The following LRRC4B variants were observed in gnomAD, a reference collection of about 807,000 sequenced individuals.
The protein encoded by LRRC4B is leucine rich repeat containing 4B, also known as leucine-rich repeat-containing protein 4B.
Under a neutral mutation model 7.3 loss-of-function variants are expected in LRRC4B, and 1 was observed. The ratio of observed to expected loss-of-function variants is 0.14; its 90% CI spans 0.05 to 0.65. The LOEUF is 0.65. Ranked by LOEUF, LRRC4B falls within the 30% of genes least tolerant of loss-of-function variation. The pLI, the probability that LRRC4B is intolerant of heterozygous loss-of-function variation, is 0.84. For missense variants in LRRC4B, 730 were observed against 1,041.6 expected, an observed-to-expected ratio of 0.70 and a Z score of 4.12; for synonymous variants, 500 against 499.2, an observed-to-expected ratio of 1.00 and a Z score of -0.02.
chr19:50,558,461 C>T (rs545381928), intron 1 of LRRC4B, among the ~76,000 whole-genome samples: 12 of 152,300 alleles, frequency 7.9e-5, no homozygotes, highest in Admixed American at 5.2e-4. Context: ...AACTCTCGGC[C>T]TCAAACAATC....
At chr19:50,541,698 C>G (rs151306648) in intron 2 of LRRC4B, among the ~76,000 whole-genome samples, 1 of 152,182 alleles carries the variant, frequency 6.6e-6, no homozygotes, top group East Asian at 1.9e-4. Flanking sequence ...CAGAGCCGCC[C>G]GCTAAAAGCC....
intron 2 of LRRC4B, among the ~76,000 whole-genome samples, chr19:50,528,556 G>T (rs968950071): frequency 1.3e-5 from 2 of 152,106 alleles, no homozygotes; most frequent in Non-Finnish European, 2.9e-5. Flanking sequence ...TGCTAGCCAG[G>T]TTGGTCTTGA....
At position 50,519,158 on chromosome 19, in the gene LRRC4B, C is replaced by T. The variant is rs761524693; in HGVS notation, c.555G>A (p.Arg185=). The T allele has an allele frequency of 6.2e-7, 1 of 1,613,540 alleles. No homozygotes were observed. The highest frequency in any genetic ancestry group is 1.1e-5 in the South Asian group (1 of 91,068). ...SYAFNRVPSL[R]RLDLGELKRL... ...GCTTGAGCTCGCCCAGGTCCAGGCGCCGCAGCGAGGGCACGCGGTTGAAGG... is the reference window on the plus strand; with the variant it reads ...GCTTGAGCTCGCCCAGGTCCAGGCGTCGCAGCGAGGGCACGCGGTTGAAGG... Residue 185 remains arginine (R), a synonymous_variant, in exon 3 of 3, where the codon CGG becomes CGA. Coordinates refer to ENST00000652263, the MANE Select transcript of LRRC4B (RefSeq NM_001080457.2). The surrounding 1 kb of genome is among the most constrained non-coding windows in gnomAD (Gnocchi z 8.1).
chr19:50,520,630 GAA>G (rs35776740), intron 2 of LRRC4B, among the ~76,000 whole-genome samples: 5 of 114,582 alleles, frequency 4.4e-5, no homozygotes, highest in Non-Finnish European at 3.7e-5. Context: ...ACTCCGTCTC[GAA>G]AAAAAAAAAA....
chr19:50,537,306 T>C lies in LRRC4B; in HGVS notation c.297+11236A>G, dbSNP rs1027466638. On this transcript the variant is annotated intron_variant, in intron 2 of 2. Coordinates refer to ENST00000652263, the MANE Select transcript of LRRC4B (RefSeq NM_001080457.2). The surrounding 1 kb of genome is among the most constrained non-coding windows in gnomAD (Gnocchi z 5.5). ...TTCCTCATCTGTAACATGAGAAGAA[T>C]AGGACCTACTCAGGGGGCTGTCGTG... 6.6e-6 allele frequency among the ~76,000 whole-genome samples: 1 copy of C among 152,280 alleles called. No individual in the cohort carries two copies. The highest frequency in any genetic ancestry group is 1.9e-4 in the East Asian group (1 of 5,182).
chr19:50,552,629 CAT>C, intron 1 of LRRC4B, among the ~76,000 whole-genome samples: 1 of 82,418 alleles, frequency 1.2e-5, no homozygotes, highest in African/African-American at 6.5e-5. Flanking sequence ...TCCATCCATT[CAT>C]CCATCCGCCC....
chr19:50,544,467 A>G (rs924497890), intron 2 of LRRC4B, among the ~76,000 whole-genome samples: 17 of 151,856 alleles, frequency 1.1e-4, no homozygotes, highest in Admixed American at 3.9e-4. Flanking sequence ...AGATCACGCC[A>G]CTGCACTCCA....
At chr19:50,558,309 C>A (rs1369070747) in intron 1 of LRRC4B, among the ~76,000 whole-genome samples, 1 of 152,162 alleles carries the variant, frequency 6.6e-6, no homozygotes, top group Admixed American at 6.6e-5. Flanking sequence ...CAGCTCACTG[C>A]AGCCTCCACC....
chr19:50,547,240 G>T (rs369860395), intron 2 of LRRC4B, among the ~76,000 whole-genome samples: 1 of 152,156 alleles, frequency 6.6e-6, no homozygotes, highest in Admixed American at 6.5e-5. Flanking sequence ...CTGCGGGAGC[G>T]GGGGGTGGTG....
chr19:50,544,313 T>C (rs544141380), intron 2 of LRRC4B, among the ~76,000 whole-genome samples: 107 of 151,882 alleles, frequency 7.0e-4, no homozygotes, highest in East Asian at 3.3e-3. Flanking sequence ...AAGACCATCC[T>C]GGCTAACACA....
rs147755477 is a variant in LRRC4B at position 50,539,435 on chromosome 19, C to T, written c.297+9107G>A. On this transcript the variant is annotated intron_variant, in intron 2 of 2. Coordinates refer to ENST00000652263, the MANE Select transcript of LRRC4B (RefSeq NM_001080457.2). ...ACAGGAATAAATGGGGTTAGATGAG[C>T]GCTCCCTGACCCCCTGCTCCAGATA... Among the ~76,000 whole-genome samples the T allele has an allele frequency of 7.7e-3, 1,173 of 152,250 alleles. 18 individuals are homozygous for T. The highest frequency in any genetic ancestry group is 0.027 in the African/African-American group (1,108 of 41,542).
At chr19:50,567,679 C>G (rs1982677393) in intron 1 of LRRC4B, among the ~76,000 whole-genome samples, 1 of 146,550 alleles carries the variant, frequency 6.8e-6, no homozygotes, top group Non-Finnish European at 1.5e-5. Context: ...GCCGGACGCA[C>G]CCCCCACAAC....
chr19:50,558,886 G>A (rs1676519411), intron 1 of LRRC4B, among the ~76,000 whole-genome samples: 1 of 152,220 alleles, frequency 6.6e-6, no homozygotes, highest in Admixed American at 6.5e-5. Flanking sequence ...GATCACAGCT[G>A]GAGAAATGGA....
intron 2 of LRRC4B, among the ~76,000 whole-genome samples, chr19:50,533,465 T>C (rs1858117324): frequency 2.1e-5 from 3 of 145,318 alleles, no homozygotes; most frequent in Admixed American, 2.0e-4. Flanking sequence ...TCCCAAATAA[T>C]ACAAATACCA....
In LRRC4B at chr19:50,518,011, G is replaced by A; in HGVS notation, c.1702C>T (p.Leu568=). ...TTGGTGGTCTTCATGACGTCGTCCA[G>A]GTCCTTGAGGGCGTTCTCCGTCACA... ...TDVTENALKD[L]DDVMKTTKII... is the part of the protein sequence containing the mutation. Residue 568 remains leucine, a synonymous_variant, in exon 3 of 3, where the codon CTG becomes TTG. Transcript: ENST00000652263. 1 of 1,545,034 alleles carries A rather than the reference G, an allele frequency of 6.5e-7. No homozygotes were observed. The highest frequency in any genetic ancestry group is 8.7e-7 in the Non-Finnish European group (1 of 1,149,584).
chr19:50,544,003 C>T lies in LRRC4B; in HGVS notation c.297+4539G>A, dbSNP rs1386563645. Among the ~76,000 whole-genome samples the T allele has an allele frequency of 5.4e-5, 8 of 148,732 alleles. No homozygotes were observed. In the South Asian group the frequency reaches 8.6e-4, roughly 16 times the overall value. On this transcript the variant is annotated intron_variant, in intron 2 of 2. Transcript: ENST00000652263. Reference sequence around the variant, plus strand: ...GGCAGATCATCTGAGGTCAGGAGTTCGAGACCAGCCTGCCCAACATGGTGA... The same window carrying T: ...GGCAGATCATCTGAGGTCAGGAGTTTGAGACCAGCCTGCCCAACATGGTGA...
rs1279111497 is a variant in LRRC4B, at chr19:50,537,379, G to A, written c.297+11163C>T. ...TAAAGGGCTTGGAGCAATGCTGGGG[G>A]CCCGACTGACATTCTCCCGCCCACC... is the stretch of plus-strand genomic sequence containing the variant. On this transcript the variant is annotated intron_variant, in intron 2 of 2. Transcript: ENST00000652263. This position sits in a 1 kb window ranked among gnomAD's most constrained non-coding sequence, Gnocchi z 5.5. 6.6e-6 allele frequency among the ~76,000 whole-genome samples: 1 copy of A among 152,180 alleles called. No homozygotes were observed. Among genetic ancestry groups the A allele is most frequent in the African/African-American group, 2.4e-5 (1 of 41,440 alleles).
At chr19:50,547,260 C>T (rs535695875) in intron 2 of LRRC4B, among the ~76,000 whole-genome samples, 71 of 152,238 alleles carry the variant, frequency 4.7e-4, no homozygotes, top group African/African-American at 1.5e-3. Flanking sequence ...GATGTGACGA[C>T]GCCCCTGACG....
Position 50,518,196 on chromosome 19 carries a change from G to A in LRRC4B, c.1517C>T (p.Pro506Leu). Residue 506 changes from proline (P) to leucine (L), a missense_variant, in exon 3 of 3, where the codon CCG (proline) becomes CTG (leucine). Physicochemically the swap from Pro to Leu is moderately conservative, Grantham distance 98. Transcript: ENST00000652263. ...TGGCGGTTCCTTCTCCGTCCCCCGC[G>A]GCTGCAGGGCCTCCTCTCCGGGCTG... The part of the protein sequence containing the change: ...ETQPGEEALQ[P>L]RGTEKEPPGP... 1.9e-6 allele frequency: 3 copies of A among 1,608,626 alleles called. No individual in the cohort carries two copies. Among genetic ancestry groups the A allele is most frequent in the Non-Finnish European group, 2.5e-6 (3 of 1,178,852 alleles).
Sources: allele counts gnomAD v4.1 joint callset (sites outside exome capture counted in the v4.1 genomes callset), GRCh38; gene constraint gnomAD v4.1.1; non-coding constraint Gnocchi (gnomAD v3.1); transcripts MANE v1.5; gene names NCBI Gene and HGNC (gene_info 2026-07-23, HGNC 2026-07-21).